The following DLG2 variants were observed in gnomAD, a reference collection of about 807,000 sequenced individuals.
The protein encoded by DLG2 is disks large homolog 2.
A neutral mutation model predicts 132.5 loss-of-function variants in DLG2; 45 were observed. The ratio of observed to expected loss-of-function variants is 0.34; its 90% CI spans 0.27 to 0.44. DLG2 has a LOEUF of 0.44. Ranked by LOEUF, DLG2 falls within the 20% of genes least tolerant of loss-of-function variation. The pLI, the probability that DLG2 is intolerant of heterozygous loss-of-function variation, is 1.00. For synonymous variants in DLG2, 424 were observed against 419.6 expected (o/e 1.01, Z -0.13); for missense variants, 1,045 against 1,196.9 (o/e 0.87, Z 1.87).
intron 6 of DLG2, among the ~76,000 whole-genome samples, chr11:84,793,257 T>C (rs1598274366): frequency 6.6e-6 from 1 of 152,228 alleles, no homozygotes; most frequent in Non-Finnish European, 1.5e-5. Context: ...GTTTTCATTG[T>C]AATCAGAGAA....
At chr11:83,648,815 G>A (rs2069087761) in intron 18 of DLG2, among the ~76,000 whole-genome samples, 1 of 152,124 alleles carries the variant, frequency 6.6e-6, no homozygotes, top group Admixed American at 6.6e-5. Flanking sequence ...TATGCATTAT[G>A]TCAACATTGG....
chr11:85,579,406 A>G (rs958088926), intron 3 of DLG2, among the ~76,000 whole-genome samples: 2 of 152,186 alleles, frequency 1.3e-5, no homozygotes, highest in African/African-American at 4.8e-5. Flanking sequence ...TTTAAAAAAA[A>G]AGAGAGAGAC....
At chr11:83,676,718 A>C (rs902909860) in intron 18 of DLG2, among the ~76,000 whole-genome samples, 1 of 152,182 alleles carries the variant, frequency 6.6e-6, no homozygotes, top group South Asian at 2.1e-4. Context: ...CTTTCCACCT[A>C]GAAAACTACT....
chr11:84,099,466 A>T (rs1292819590), intron 9 of DLG2, among the ~76,000 whole-genome samples: 1 of 151,920 alleles, frequency 6.6e-6, no homozygotes, highest in Non-Finnish European at 1.5e-5. Context: ...TGGGTGTTTC[A>T]TTTTCTTATT....
intron 8 of DLG2, among the ~76,000 whole-genome samples, chr11:84,192,469 G>A (rs1019610544): frequency 1.3e-5 from 2 of 152,182 alleles, no homozygotes; most frequent in Non-Finnish European, 2.9e-5. Context: ...GGTGGCTCAC[G>A]CCTCTAATCC....
At chr11:83,923,167 T>C (rs943053764) in intron 15 of DLG2, among the ~76,000 whole-genome samples, 1 of 152,158 alleles carries the variant, frequency 6.6e-6, no homozygotes, top group Admixed American at 6.6e-5. Flanking sequence ...ATTTTCTACC[T>C]GATTTGTGAT....
At chr11:84,941,033 C>G (rs1237908010) in intron 6 of DLG2, among the ~76,000 whole-genome samples, 3 of 152,274 alleles carry the variant, frequency 2.0e-5, no homozygotes, top group African/African-American at 7.2e-5. Flanking sequence ...AATGAGTTCA[C>G]TGTAGGTATA....
chr11:83,984,535 ATATC>A (rs1434179968), intron 11 of DLG2, among the ~76,000 whole-genome samples: 1 of 152,152 alleles, frequency 6.6e-6, no homozygotes, highest in African/African-American at 2.4e-5. Context: ...ACAGGTGGAA[ATATC>A]TATCTGTGCT....
rs11358686 is a variant in DLG2 at position 84,169,872 on chromosome 11, CAA to C, written c.574-6363_574-6362del. Among the ~76,000 whole-genome samples the C allele has an allele frequency of 9.0e-3, 1,270 of 141,460 alleles. 7 individuals carry two copies. The highest frequency in any genetic ancestry group is 0.024 in the African/African-American group (914 of 38,380). 92.8% of individuals were successfully genotyped at this position (141,460 alleles called of 152,430 possible). On this transcript the variant is annotated intron_variant, in intron 8 of 27. Transcript: ENST00000376104. ...TGGGCAACAGAGTGAGACTTGGTCTCAAAAAAAAAAAAAAAATCTCAACTAAA... is the reference window on the plus strand; with the variant it reads ...TGGGCAACAGAGTGAGACTTGGTCTCAAAAAAAAAAAAAATCTCAACTAAA...
chr11:84,980,796 G>A (rs567413297), intron 6 of DLG2, among the ~76,000 whole-genome samples: 5 of 152,236 alleles, frequency 3.3e-5, no homozygotes, highest in Non-Finnish European at 7.3e-5. Flanking sequence ...CTATGATTCC[G>A]TGTGTATTAA....
chr11:84,478,140 C>G (rs1259643459), intron 7 of DLG2, among the ~76,000 whole-genome samples: 1 of 152,248 alleles, frequency 6.6e-6, no homozygotes, highest in African/African-American at 2.4e-5. Context: ...ACACTGTTAA[C>G]AGTGCATTGT....
chr11:83,847,650 G>C (rs1219712513), intron 16 of DLG2, among the ~76,000 whole-genome samples: 1 of 152,162 alleles, frequency 6.6e-6, no homozygotes, highest in Admixed American at 6.5e-5. Flanking sequence ...TATAACTAGG[G>C]GAGGGGTGAA....
chr11:85,486,629 C>G (rs1411719112), intron 3 of DLG2, among the ~76,000 whole-genome samples: 1 of 152,142 alleles, frequency 6.6e-6, no homozygotes, highest in Non-Finnish European at 1.5e-5. Context: ...CCCACACACA[C>G]ATGGTACCAG....
chr11:85,315,643 C>A (rs372982075), intron 3 of DLG2, among the ~76,000 whole-genome samples: 1 of 151,974 alleles, frequency 6.6e-6, no homozygotes, highest in Admixed American at 6.6e-5. Context: ...TACCTCAACC[C>A]AAGATAGAGA....
chr11:84,421,858 G>A (rs1258419087), intron 7 of DLG2, among the ~76,000 whole-genome samples: 1 of 152,188 alleles, frequency 6.6e-6, no homozygotes, highest in Non-Finnish European at 1.5e-5. Context: ...TGCTCGGAAT[G>A]AATCCCTCAC....
chr11:84,949,713 A>G (rs2050684049), intron 6 of DLG2, among the ~76,000 whole-genome samples: 1 of 152,176 alleles, frequency 6.6e-6, no homozygotes, highest in African/African-American at 2.4e-5. Context: ...TTCTCTGAAC[A>G]ATTGCTGTTA....
At chr11:84,154,703 G>A (rs1371117194) in intron 9 of DLG2, among the ~76,000 whole-genome samples, 1 of 151,702 alleles carries the variant, frequency 6.6e-6, no homozygotes, top group South Asian at 2.1e-4. Flanking sequence ...CTGTGTCCAT[G>A]TTTTCTCATT....
intron 17 of DLG2, among the ~76,000 whole-genome samples, chr11:83,794,143 A>G (rs1179384463): frequency 6.6e-6 from 1 of 152,178 alleles, no homozygotes; most frequent in Non-Finnish European, 1.5e-5. Context: ...TGTTCATTTT[A>G]GGCCCAAATC....
At chr11:84,070,333 AT>A (rs2154143297) in intron 10 of DLG2, among the ~76,000 whole-genome samples, 1 of 152,296 alleles carries the variant, frequency 6.6e-6, no homozygotes, top group South Asian at 2.1e-4. Flanking sequence ...AGCTAGCATC[AT>A]TCAAAGGCAA....
Sources: gnomAD v4.1 joint callset for allele counts (sites outside exome capture counted in the v4.1 genomes callset) on GRCh38, gnomAD v4.1.1 for gene constraint, MANE v1.5 for transcripts, NCBI Gene and HGNC (gene_info 2026-07-23, HGNC 2026-07-21) for gene names.